Variants in DNMT1 observed in about 807,000 individuals in gnomAD.
DNMT1 encodes the protein DNA (cytosine-5)-methyltransferase 1.
Under a neutral mutation model 205.3 loss-of-function variants are expected in DNMT1, and 24 were observed. The observed-to-expected ratio is 0.12, with a 90% CI of 0.08 to 0.16. The LOEUF (loss-of-function observed/expected upper bound fraction) is 0.16. Among genes scored for constraint, DNMT1 ranks in the 10% least tolerant of loss-of-function variants. The probability of loss-of-function intolerance (pLI) is 1.00; values close to 1 mark genes in which losing one functional copy is unlikely to be tolerated. For synonymous variants in DNMT1, 817 were observed against 839.8 expected, an observed-to-expected ratio of 0.97 and a Z score of 0.47; for missense variants, 1,293 against 2,177.7, an observed-to-expected ratio of 0.59 and a Z score of 8.09.
chr19:10,144,463 G>A (rs1028748323), intron 28 of DNMT1: 6 of 244,602 alleles, frequency 2.5e-5, no homozygotes, highest in South Asian at 1.0e-4. Context: ...TTTGAAGCAC[G>A]CATTCACCCT....
Position 10,166,694 on chromosome 19 carries a change from G to C in DNMT1, c.804-9C>G. ...GTTTCTGTTTGGGTGTTCTGTCACA[G>C]AAGACAACACACACACAGGCTGGTC... On this transcript the variant is annotated splice_polypyrimidine_tract_variant and intron_variant, in intron 10 of 40. Transcript: ENST00000359526. The C allele has an allele frequency of 6.2e-7, 1 of 1,614,080 alleles. No homozygotes were observed. The highest frequency in any genetic ancestry group is 8.5e-7 in the Non-Finnish European group (1 of 1,179,964).
rs1432518379 is a variant in DNMT1, at chr19:10,154,440, G to T, written c.1872C>A (p.Thr624=). The T allele has an allele frequency of 1.2e-6, 2 of 1,614,120 alleles. No individual in the cohort carries two copies. The highest frequency in any genetic ancestry group is 3.3e-5 in the Admixed American group (2 of 60,008). The change falls in exon 22 of 41, where the codon ACC becomes ACA. Residue 624 remains threonine (T), a synonymous_variant. Transcript: ENST00000359526. The surrounding 1 kb of genome is among the most constrained non-coding windows in gnomAD (Gnocchi z 6.3). ...QARRQTIRHS[T]REKDRGPTKA... ...TCGTGGGTCCCCTGTCCTTCTCCCTGGTAGAATGCCTGATGGTCTGCCGCC... is the reference window on the plus strand; with the variant it reads ...TCGTGGGTCCCCTGTCCTTCTCCCTTGTAGAATGCCTGATGGTCTGCCGCC...
intron 9 of DNMT1, among the ~76,000 whole-genome samples, chr19:10,171,454 C>T (rs556819118): frequency 3.2e-4 from 49 of 151,778 alleles, no homozygotes; most frequent in Middle Eastern, 6.8e-3. Flanking sequence ...GTGGACCGTT[C>T]GAGGTCAGCA....
At chr19:10,169,753 G>A (rs1030015872) in intron 9 of DNMT1, among the ~76,000 whole-genome samples, 16 of 151,788 alleles carry the variant, frequency 1.1e-4, no homozygotes, top group South Asian at 8.4e-4. Context: ...GCGACAGAGT[G>A]AGACTCCGTC....
At chr19:10,141,515 G>A (rs562468364) in intron 30 of DNMT1, 18 of 397,322 alleles carry the variant, frequency 4.5e-5, no homozygotes, top group Non-Finnish European at 6.6e-5. Context: ...TGGATGTATC[G>A]TTTTAAGGTA....
intron 2 of DNMT1, among the ~76,000 whole-genome samples, chr19:10,181,670 A>AAT (rs968716751): frequency 1.3e-5 from 2 of 149,502 alleles, no homozygotes; most frequent in Non-Finnish European, 1.5e-5. Context: ...CTCTACTAAT[A>AAT]ATATAAAAAT....
chr19:10,188,396 C>T lies in DNMT1; in HGVS notation c.81-6319G>A, dbSNP rs148147704. Among the ~76,000 whole-genome samples the T allele has an allele frequency of 5.4e-3, 816 of 152,064 alleles. 17 individuals carry two copies. Among genetic ancestry groups the T allele is most frequent in the East Asian group, 0.047 (243 of 5,168 alleles). On this transcript the variant is annotated intron_variant, in intron 1 of 40. Transcript: ENST00000359526. ...CTCTACTAAAAATACAAAAATTAAC[C>T]GGGCTTGGTGGCTCACGCCTGTAAT... is the stretch of plus-strand genomic sequence containing the variant.
intron 22 of DNMT1, among the ~76,000 whole-genome samples, chr19:10,153,423 C>A (rs1248896559): frequency 6.6e-6 from 1 of 152,050 alleles, no homozygotes; most frequent in African/African-American, 2.4e-5. Context: ...CACTTAAGGT[C>A]AGGAGTTTAA....
intron 6 of DNMT1, among the ~76,000 whole-genome samples, chr19:10,175,938 C>CATGAGGATCACCTGAGT (rs1283140424): frequency 6.6e-6 from 1 of 152,092 alleles, no homozygotes; most frequent in African/African-American, 2.4e-5. Context: ...GAGTCCAAGG[C>CATGAGGATCACCTGAGT]ATGAGGATCA....
rs955085227 is a variant in DNMT1 at position 10,156,848 on chromosome 19, T to C, written c.1281-339A>G. On this transcript the variant is annotated intron_variant, in intron 17 of 40. Coordinates refer to ENST00000359526, the MANE Select transcript of DNMT1 (RefSeq NM_001130823.3). The surrounding 1 kb of genome is among the most constrained non-coding windows in gnomAD (Gnocchi z 4.2). ...TAGCAGGCTGGTCTCAAACTCTTTA[T>C]CTCCAGTGATCTACCCACCTCAGCC... is the stretch of plus-strand genomic sequence containing the variant. Among the ~76,000 whole-genome samples, 1 of 151,842 alleles carries C rather than the reference T, an allele frequency of 6.6e-6. No homozygotes were observed. The highest frequency in any genetic ancestry group is 2.4e-5 in the African/African-American group (1 of 41,272).
At chr19:10,194,159 G>A (rs1367065079) in intron 1 of DNMT1, among the ~76,000 whole-genome samples, 1 of 152,222 alleles carries the variant, frequency 6.6e-6, no homozygotes, top group African/African-American at 2.4e-5. Context: ...GCCCTGCGCT[G>A]CAATGCACGG....
intron 9 of DNMT1, among the ~76,000 whole-genome samples, chr19:10,169,241 A>G (rs2038758754): frequency 6.6e-6 from 1 of 151,978 alleles, no homozygotes; most frequent in South Asian, 2.1e-4. Flanking sequence ...AAAGGTCAGG[A>G]ATATTAAGAA....
At chr19:10,189,121 A>ATT (rs3079979) in intron 1 of DNMT1, among the ~76,000 whole-genome samples, 19,099 of 143,588 alleles carry the variant, frequency 0.13, 1,867 homozygotes, top group East Asian at 0.42. Context: ...GACTCAGATG[A>ATT]TTTTTTTTTT....
chr19:10,183,126 T>TC (rs200261595), intron 1 of DNMT1, among the ~76,000 whole-genome samples: 1 of 90,928 alleles, frequency 1.1e-5, no homozygotes, highest in South Asian at 4.6e-4. Context: ...TATATATATA[T>TC]TTTTTTTTTT....
Position 10,159,396 on chromosome 19 carries a change from G to T in DNMT1, c.1280+262C>A, listed in dbSNP as rs147151629. On this transcript the variant is annotated intron_variant, in intron 17 of 40. Coordinates refer to ENST00000359526, the MANE Select transcript of DNMT1 (RefSeq NM_001130823.3). This position sits in a 1 kb window ranked among gnomAD's most constrained non-coding sequence, Gnocchi z 5.0. ...ACACCTGGCTACTTTTTGTATTTTC[G>T]GTAGGTTTCGCCATGTTGGCCAGGC... 2.5e-3 allele frequency among the ~76,000 whole-genome samples: 382 copies of T among 152,132 alleles called. 9 individuals are homozygous for T. The East Asian group carries it at 0.038, about 15-fold the overall frequency.
intron 39 of DNMT1, among the ~76,000 whole-genome samples, chr19:10,135,059 A>C (rs1460473423): frequency 6.6e-6 from 1 of 151,260 alleles, no homozygotes; most frequent in Non-Finnish European, 1.5e-5. Context: ...TAAAAATACA[A>C]AAATTAGCCG....
chr19:10,194,242 C>T (rs2145415965), intron 1 of DNMT1, among the ~76,000 whole-genome samples: 1 of 152,346 alleles, frequency 6.6e-6, no homozygotes, highest in Middle Eastern at 3.4e-3. Context: ...AGAATGAGTA[C>T]CCCACGGAAG....
chr19:10,186,911 G>A (rs1260497661), intron 1 of DNMT1, among the ~76,000 whole-genome samples: 1 of 151,204 alleles, frequency 6.6e-6, no homozygotes, highest in African/African-American at 2.4e-5. Context: ...TCACGCCTGC[G>A]GGATTCCCAA....
rs1442963278 is a variant in DNMT1 at position 10,138,212 on chromosome 19, A to G, written c.4116-203T>C. Among the ~76,000 whole-genome samples, 2 of 152,244 alleles carry G rather than the reference A, an allele frequency of 1.3e-5. No individual in the cohort carries two copies. Among genetic ancestry groups the G allele is most frequent in the Non-Finnish European group, 1.5e-5 (1 of 68,034 alleles). The stretch of plus-strand genomic sequence containing the variant: ...TGGGCTTTGTGGATGACCACAGCCA[A>G]GCATGCGGCTGGCCGCTCTGCACAT... On this transcript the variant is annotated intron_variant, in intron 35 of 40. Coordinates refer to ENST00000359526, the MANE Select transcript of DNMT1 (RefSeq NM_001130823.3). The surrounding 1 kb of genome is among the most constrained non-coding windows in gnomAD (Gnocchi z 4.1).
Sources: gnomAD v4.1 joint callset for allele counts (sites outside exome capture counted in the v4.1 genomes callset) on GRCh38, gnomAD v4.1.1 for gene constraint, Gnocchi (gnomAD v3.1) non-coding constraint, MANE v1.5 for transcripts, NCBI Gene and HGNC (gene_info 2026-07-23, HGNC 2026-07-21) for gene names.